The following RBFOX2 variants were observed in gnomAD, a reference collection of about 807,000 sequenced individuals.
RBFOX2 encodes RNA binding protein fox-1 homolog 2.
A neutral mutation model predicts 49.1 loss-of-function variants in RBFOX2; 10 were observed. The ratio of observed to expected loss-of-function variants is 0.20; its 90% CI spans 0.13 to 0.35. The LOEUF is 0.35. RBFOX2 is among the 10% of genes least tolerant of loss of function. The pLI is 1.00. For missense variants in RBFOX2, 323 were observed against 486.9 expected (o/e 0.66, Z 3.17); for synonymous variants, 183 against 187.4 (o/e 0.98, Z 0.19).
chr22:35,960,745 C>T (rs1005006192), intron 1 of RBFOX2, among the ~76,000 whole-genome samples: 5 of 152,012 alleles, frequency 3.3e-5, no homozygotes, highest in African/African-American at 1.2e-4. Flanking sequence ...AGAGCCAATT[C>T]GAAGAAACCT....
chr22:35,798,574 G>A (rs1323531930), intron 2 of RBFOX2, among the ~76,000 whole-genome samples: 1 of 152,092 alleles, frequency 6.6e-6, no homozygotes, highest in African/African-American at 2.4e-5. Context: ...TTCACATGGC[G>A]GCTATGGTAA....
At chr22:35,923,379 C>T (rs1302761483) in intron 1 of RBFOX2, among the ~76,000 whole-genome samples, 1 of 151,810 alleles carries the variant, frequency 6.6e-6, no homozygotes, top group Non-Finnish European at 1.5e-5. Flanking sequence ...ACTTCTTACA[C>T]TTCCATATTG....
intron 1 of RBFOX2, among the ~76,000 whole-genome samples, chr22:35,854,827 C>CT (rs1167680988): frequency 6.6e-6 from 1 of 151,768 alleles, no homozygotes; most frequent in Admixed American, 6.6e-5. Context: ...AATTTGAAGA[C>CT]TAATAACTTA....
At chr22:35,918,752 T>C (rs2050705103) in intron 1 of RBFOX2, among the ~76,000 whole-genome samples, 1 of 152,148 alleles carries the variant, frequency 6.6e-6, no homozygotes, top group Non-Finnish European at 1.5e-5. Flanking sequence ...CCCTGAATAC[T>C]GCACGTGTTC....
At chr22:35,984,367 C>A (rs1275369604) in intron 1 of RBFOX2, among the ~76,000 whole-genome samples, 1 of 152,150 alleles carries the variant, frequency 6.6e-6, no homozygotes, top group Non-Finnish European at 1.5e-5. Context: ...CCACTTAGTC[C>A]ATTATATACT....
In RBFOX2 at chr22:35,759,906, G is replaced by A; in HGVS notation, c.869C>T (p.Ala290Val). ...CGCTTACCCTGGATAGGCGGGGATGGCTGTTGGAGGTACCGCTCGGACTGC... is the reference window on the plus strand; with the variant it reads ...CGCTTACCCTGGATAGGCGGGGATGACTGTTGGAGGTACCGCTCGGACTGC... The change falls in exon 9 of 12, where the codon GCC becomes GTC. Residue 290 changes from alanine (A) to valine (V), a missense_variant. By Grantham distance (64) the Ala-to-Val change is moderately conservative. Around this residue, in one of 2 missense-constraint regions of RBFOX2, gnomAD observed 200 missense variants for 370.0 expected, o/e 0.54. Coordinates refer to ENST00000405409, the Ensembl canonical transcript of RBFOX2. This position sits in a 1 kb window ranked among gnomAD's most constrained non-coding sequence, Gnocchi z 4.6. The A allele has an allele frequency of 6.2e-7, 1 of 1,613,686 alleles. No individual in the cohort carries two copies. Among genetic ancestry groups the A allele is most frequent in the Non-Finnish European group, 8.5e-7 (1 of 1,179,992 alleles).
chr22:35,770,044 G>T (rs1428391409), intron 4 of RBFOX2, among the ~76,000 whole-genome samples: 3 of 152,112 alleles, frequency 2.0e-5, no homozygotes, highest in Non-Finnish European at 4.4e-5. Flanking sequence ...ATATCAACAG[G>T]AACATATTTT....
chr22:35,761,051 T>C (rs1255203467), intron 8 of RBFOX2, 151 bp downstream of exon 9: 1 of 676,600 alleles, frequency 1.5e-6, no homozygotes, highest in East Asian at 2.7e-5. Context: ...CTAGCACAGG[T>C]TAAGCAGGAC....
intron 1 of RBFOX2, among the ~76,000 whole-genome samples, chr22:35,954,610 T>C (rs777818604): frequency 1.4e-4 from 21 of 152,192 alleles, no homozygotes; most frequent in South Asian, 4.1e-4. Context: ...TGGCCCTCCA[T>C]TGCTTACATG....
At chr22:35,913,879 G>T (rs922458084) in intron 1 of RBFOX2, among the ~76,000 whole-genome samples, 3 of 152,172 alleles carry the variant, frequency 2.0e-5, no homozygotes, top group African/African-American at 7.2e-5. Context: ...GGCAGAGCTG[G>T]CTATAAAGGA....
chr22:35,832,200 T>C (rs1045740004), intron 1 of RBFOX2, among the ~76,000 whole-genome samples: 11 of 152,056 alleles, frequency 7.2e-5, no homozygotes, highest in African/African-American at 2.7e-4. Context: ...GGTGAAACCC[T>C]GTCTCTACCA....
chr22:35,819,541 C>T (rs1413968518), intron 1 of RBFOX2, among the ~76,000 whole-genome samples: 1 of 152,140 alleles, frequency 6.6e-6, no homozygotes, highest in African/African-American at 2.4e-5. Flanking sequence ...TCTTAAAATC[C>T]TAGACTGCCA....
intron 2 of RBFOX2, among the ~76,000 whole-genome samples, chr22:35,787,309 A>ATTAT (rs1381596082): frequency 6.6e-6 from 1 of 152,190 alleles, no homozygotes; most frequent in Non-Finnish European, 1.5e-5. Flanking sequence ...AAGTGCTAGA[A>ATTAT]TTATAGGCAT....
At chr22:35,918,841 G>A (rs1359146778) in intron 1 of RBFOX2, among the ~76,000 whole-genome samples, 1 of 152,144 alleles carries the variant, frequency 6.6e-6, no homozygotes, top group Admixed American at 6.5e-5. Context: ...TAGGCCTTTA[G>A]CTGCAATTCC....
intron 4 of RBFOX2, among the ~76,000 whole-genome samples, chr22:35,776,378 A>C (rs897420986): frequency 1.3e-5 from 2 of 152,208 alleles, no homozygotes; most frequent in Admixed American, 6.5e-5. Context: ...TTTTAACTGA[A>C]AACTGGAAGC....
At chr22:35,837,622 T>C (rs1219564926) in intron 1 of RBFOX2, among the ~76,000 whole-genome samples, 2 of 152,168 alleles carry the variant, frequency 1.3e-5, no homozygotes, top group Non-Finnish European at 2.9e-5. Context: ...CTAACAACTA[T>C]GTACATTACA....
intron 1 of RBFOX2, among the ~76,000 whole-genome samples, chr22:35,838,267 T>C (rs1958049021): frequency 6.6e-6 from 1 of 151,392 alleles, no homozygotes; most frequent in South Asian, 2.1e-4. Flanking sequence ...TTCTTTTCTT[T>C]TTTTTTTTTT....
intron 1 of RBFOX2, among the ~76,000 whole-genome samples, chr22:35,862,175 G>A (rs1314374231): frequency 1.3e-5 from 2 of 152,052 alleles, no homozygotes; most frequent in East Asian, 1.9e-4. Flanking sequence ...GAAAACTTAC[G>A]GAGATGATTC....
intron 1 of RBFOX2, chr22:35,898,204 C>CG (rs2048112620): frequency 2.6e-6 from 2 of 755,312 alleles, no homozygotes; most frequent in African/African-American, 3.4e-5. Context: ...GACAACACAT[C>CG]GGCCCAGGAA....
Sources: allele counts gnomAD v4.1 joint callset (sites outside exome capture counted in the v4.1 genomes callset), GRCh38; gene constraint gnomAD v4.1.1; regional missense constraint gnomAD v4.1.1; non-coding constraint Gnocchi (gnomAD v3.1); transcripts MANE v1.5; gene names NCBI Gene and HGNC (gene_info 2026-07-23, HGNC 2026-07-21).